FAT3: variants seen among roughly 807,000 people sequenced by gnomAD.
FAT3 encodes the protein protocadherin Fat 3.
In FAT3, 95 loss-of-function variants were observed where a neutral mutation model predicts 310.2. That is an observed-to-expected ratio of 0.31 (90% CI 0.26 to 0.36). The LOEUF (loss-of-function observed/expected upper bound fraction) is 0.36. Among genes scored for constraint, FAT3 ranks in the 10% least tolerant of loss-of-function variants. The pLI is 1.00. For missense variants in FAT3, 5,408 were observed against 5,715.6 expected (o/e 0.95, Z 1.74); for synonymous variants, 2,314 against 2,192.9 (o/e 1.06, Z -1.54).
At chr11:92,438,479 T>C (rs1396928212) in intron 2 of FAT3, among the ~76,000 whole-genome samples, 1 of 152,236 alleles carries the variant, frequency 6.6e-6, no homozygotes, top group African/African-American at 2.4e-5. Context: ...TAACCATTTT[T>C]AAATGTGCAA....
At chr11:92,323,500 A>C (rs1947681098) in intron 1 of FAT3, among the ~76,000 whole-genome samples, 1 of 151,476 alleles carries the variant, frequency 6.6e-6, no homozygotes, top group South Asian at 2.1e-4. Flanking sequence ...TGATCCCCCC[A>C]TGTTGACCTC....
chr11:92,679,841 CAAAAAAAA>C (rs71064721), intron 3 of FAT3, among the ~76,000 whole-genome samples: 17,027 of 56,922 alleles, frequency 0.3, 1,276 homozygotes, highest in African/African-American at 0.33. Flanking sequence ...GACTCCATCT[CAAAAAAAA>C]AAAAAAAAAA....
At chr11:92,368,291 A>G (rs1565263059) in intron 2 of FAT3, among the ~76,000 whole-genome samples, 1 of 152,172 alleles carries the variant, frequency 6.6e-6, no homozygotes, top group East Asian at 1.9e-4. Flanking sequence ...CAAAGTCACA[A>G]CTTGTTATTT....
At chr11:92,397,667 C>G (rs1949905433) in intron 2 of FAT3, among the ~76,000 whole-genome samples, 1 of 152,092 alleles carries the variant, frequency 6.6e-6, no homozygotes, top group African/African-American at 2.4e-5. Flanking sequence ...GCTGCTCTTT[C>G]CACTCATCCT....
chr11:92,823,328 G>A (rs1482373189), intron 13 of FAT3, among the ~76,000 whole-genome samples: 1 of 152,136 alleles, frequency 6.6e-6, no homozygotes, highest in Non-Finnish European at 1.5e-5. Context: ...AATCATCCCA[G>A]GTGTAGCTTC....
rs560199725 is a variant in FAT3, at chr11:92,751,401, C to T, written c.3670-10455C>T. Among the ~76,000 whole-genome samples, 9 of 152,284 alleles carry T rather than the reference C, an allele frequency of 5.9e-5. No individual in the cohort carries two copies. In the South Asian group the frequency reaches 1.2e-3, roughly 21 times the overall value. On this transcript the variant is annotated intron_variant, in intron 4 of 27. Coordinates refer to ENST00000525166, the MANE Select transcript of FAT3 (RefSeq NM_001367949.2). ...CTGATAAATAAGACGTAGAGAGAAACCAAGACCACCCAGGCCCTCCCTCTC... is the reference window on the plus strand; with the variant it reads ...CTGATAAATAAGACGTAGAGAGAAATCAAGACCACCCAGGCCCTCCCTCTC...
At chr11:92,511,483 A>G (rs1307353979) in intron 2 of FAT3, among the ~76,000 whole-genome samples, 2 of 152,056 alleles carry the variant, frequency 1.3e-5, no homozygotes, top group African/African-American at 4.8e-5. Context: ...GTTATCCTTC[A>G]TTTACTTATT....
chr11:92,585,288 G>T (rs1289698181), intron 3 of FAT3, among the ~76,000 whole-genome samples: 1 of 151,946 alleles, frequency 6.6e-6, no homozygotes, highest in Non-Finnish European at 1.5e-5. Context: ...TCTGTAGTTT[G>T]TATTATCAAC....
At chr11:92,299,956 A>G (rs1054809805) in intron 1 of FAT3, among the ~76,000 whole-genome samples, 2 of 152,154 alleles carry the variant, frequency 1.3e-5, no homozygotes, top group African/African-American at 4.8e-5. Flanking sequence ...ACAAACTGAC[A>G]TTAACCTTTC....
intron 3 of FAT3, among the ~76,000 whole-genome samples, chr11:92,601,482 C>G (rs186281891): frequency 6.6e-6 from 1 of 152,278 alleles, no homozygotes; most frequent in East Asian, 1.9e-4. Flanking sequence ...GTAATCCCAG[C>G]TACTTGGGAG....
rs71064722 is a variant in FAT3, at chr11:92,754,627, C to CAAAAAAAAAAAAAAAAAAAAAAAAA, written c.3670-7211_3670-7210insAAAAAAAAAAAAAAAAAAAAAAAAA. On this transcript the variant is annotated intron_variant, in intron 4 of 27. Transcript: ENST00000525166. ...TGGGCGACAGAGGAAGACTCTGCCTCAAAAAAAAAAAAAAAAAAGGAGATA... is the reference window on the plus strand; with the variant it reads ...TGGGCGACAGAGGAAGACTCTGCCTCAAAAAAAAAAAAAAAAAAAAAAAAAAAAAAAAAAAAAAAAAAAGGAGATA... Among the ~76,000 whole-genome samples, 8 of 32,712 alleles carry CAAAAAAAAAAAAAAAAAAAAAAAAA rather than the reference C, an allele frequency of 2.4e-4. 1 individual carries two copies. The highest frequency in any genetic ancestry group is 1.2e-3 in the African/African-American group (5 of 4,340). 21.5% of individuals were successfully genotyped at this position (32,712 alleles called of 152,430 possible).
intron 26 of FAT3, 116 bp downstream of exon 26, chr11:92,889,364 A>C: frequency 2.0e-6 from 1 of 502,960 alleles, no homozygotes; most frequent in East Asian, 3.2e-5. Context: ...CTGGTTTCTG[A>C]TGAGATGTGG....
chr11:92,516,978 G>T (rs1953507182), intron 2 of FAT3, among the ~76,000 whole-genome samples: 1 of 152,082 alleles, frequency 6.6e-6, no homozygotes, highest in South Asian at 2.1e-4. Flanking sequence ...AAGGAAATAA[G>T]AGAGGATACA....
At chr11:92,433,847 TA>T (rs111268135) in intron 2 of FAT3, among the ~76,000 whole-genome samples, 10 of 148,072 alleles carry the variant, frequency 6.8e-5, no homozygotes, top group East Asian at 2.0e-4. Flanking sequence ...CATCTCTGCT[TA>T]AAAAAAAAAT....
intron 2 of FAT3, among the ~76,000 whole-genome samples, chr11:92,423,807 T>C (rs1950576521): frequency 6.6e-6 from 1 of 152,174 alleles, no homozygotes; most frequent in South Asian, 2.1e-4. Flanking sequence ...CCTTCTTCTT[T>C]GGGAAACCTC....
chr11:92,344,462 C>T (rs904267251), intron 1 of FAT3, among the ~76,000 whole-genome samples: 7 of 152,118 alleles, frequency 4.6e-5, no homozygotes, highest in Non-Finnish European at 2.9e-5. Flanking sequence ...TCAAGTCACC[C>T]TTACTGTACT....
intron 4 of FAT3, 98 bp downstream of exon 4, chr11:92,697,543 G>A (rs1298293359): frequency 1.8e-6 from 2 of 1,139,230 alleles, no homozygotes; most frequent in Non-Finnish European, 2.6e-6. Flanking sequence ...TTTGAACAGT[G>A]GATATCAAAG....
chr11:92,511,027 A>G (rs1224195161), intron 2 of FAT3, among the ~76,000 whole-genome samples: 2 of 152,242 alleles, frequency 1.3e-5, no homozygotes, highest in African/African-American at 4.8e-5. Flanking sequence ...GCCTGAAGGC[A>G]CTGATTCTGG....
rs75648319 is a variant in FAT3, at chr11:92,868,923, T to G, written c.12127+1714T>G. Among the ~76,000 whole-genome samples, 1,050 of 152,350 alleles carry G rather than the reference T, an allele frequency of 6.9e-3. 13 individuals carry two copies. Among genetic ancestry groups the G allele is most frequent in the African/African-American group, 0.024 (1,008 of 41,580 alleles). On this transcript the variant is annotated intron_variant, in intron 22 of 27. Coordinates refer to ENST00000525166, the MANE Select transcript of FAT3 (RefSeq NM_001367949.2). ...TCTTCATTTAACCATATTTCAGCAC[T>G]GATGACCCACTTGCCATATACTTTT...
Sources: allele counts gnomAD v4.1 joint callset (sites outside exome capture counted in the v4.1 genomes callset), GRCh38; gene constraint gnomAD v4.1.1; transcripts MANE v1.5; gene names NCBI Gene and HGNC (gene_info 2026-07-23, HGNC 2026-07-21).